The following NRXN3 variants were observed in gnomAD, a reference collection of about 807,000 sequenced individuals.
NRXN3 encodes the protein neurexin III.
NRXN3 carries 32 observed loss-of-function variants against 137.6 expected under a neutral mutation model. The observed-to-expected ratio is 0.23, with a 90% CI of 0.18 to 0.31. The LOEUF (loss-of-function observed/expected upper bound fraction) is 0.31, where lower values mean the gene tolerates loss of function less well. Ranked by LOEUF, NRXN3 falls within the 10% of genes least tolerant of loss-of-function variation. The pLI is 1.00. For synonymous variants in NRXN3, 798 were observed against 784.5 expected (o/e 1.02, Z -0.29); for missense variants, 1,574 against 2,062.5 (o/e 0.76, Z 4.59).
chr14:78,469,545 G>T (rs1479279989), intron 4 of NRXN3, among the ~76,000 whole-genome samples: 6 of 152,158 alleles, frequency 3.9e-5, no homozygotes, highest in South Asian at 2.1e-4. Context: ...GCATGAAATT[G>T]CTGGGTGCCA....
chr14:79,601,902 G>A (rs1275998775), intron 16 of NRXN3, among the ~76,000 whole-genome samples: 3 of 152,306 alleles, frequency 2.0e-5, no homozygotes, highest in East Asian at 1.9e-4. Flanking sequence ...AACCCAGACC[G>A]AAGAGGGCAG....
intron 20 of NRXN3, among the ~76,000 whole-genome samples, chr14:79,838,916 A>AAGAC (rs1350175065): frequency 6.6e-6 from 1 of 152,240 alleles, no homozygotes; most frequent in Non-Finnish European, 1.5e-5. Context: ...AGGTGGTCAA[A>AAGAC]AGACAAAATT....
intron 4 of NRXN3, among the ~76,000 whole-genome samples, chr14:78,551,686 T>G (rs2096691666): frequency 7.6e-6 from 1 of 130,766 alleles, no homozygotes; most frequent in African/African-American, 2.9e-5. Context: ...CCTCCTCCCC[T>G]TTCTCCTTTT....
intron 15 of NRXN3, among the ~76,000 whole-genome samples, chr14:79,076,660 T>G (rs77155946): frequency 0.016 from 2,464 of 152,354 alleles, 57 homozygotes; most frequent in African/African-American, 0.056. Flanking sequence ...TGTATTCTAT[T>G]CATCACTTAG....
intron 16 of NRXN3, among the ~76,000 whole-genome samples, chr14:79,470,953 T>A (rs56767395): frequency 0.14 from 2,133 of 15,214 alleles, 26 homozygotes; most frequent in African/African-American, 0.28. Context: ...AGAGAGAGAG[T>A]GTGTGTGTGT....
chr14:79,604,977 A>G (rs1602872524), intron 16 of NRXN3, among the ~76,000 whole-genome samples: 3 of 152,184 alleles, frequency 2.0e-5, no homozygotes, highest in African/African-American at 7.2e-5. Flanking sequence ...GGCTGCAGTG[A>G]GCCGAGATCA....
chr14:78,833,545 T>A (rs1440250009), intron 10 of NRXN3, among the ~76,000 whole-genome samples: 1 of 152,298 alleles, frequency 6.6e-6, no homozygotes, highest in African/African-American at 2.4e-5. Context: ...CTAAGACTAT[T>A]TTAATAAGAA....
intron 15 of NRXN3, among the ~76,000 whole-genome samples, chr14:79,373,944 T>G (rs1214248781): frequency 6.6e-6 from 1 of 152,174 alleles, no homozygotes; most frequent in Non-Finnish European, 1.5e-5. Flanking sequence ...AAAAACGTCA[T>G]GTTTCAGAGC....
At position 78,834,716 on chromosome 14, in the gene NRXN3, T is replaced by A. The variant is rs377570045; in HGVS notation, c.2275+24372T>A. ...CTGAACTGTGTTCCTGAATTTCCTC[T>A]GCCTTCTTGCTAATAACCTGAATTG... is the stretch of plus-strand genomic sequence containing the variant. On this transcript the variant is annotated intron_variant, in intron 10 of 20. Transcript: ENST00000335750. 4.9e-4 allele frequency among the ~76,000 whole-genome samples: 75 copies of A among 152,288 alleles called. 3 individuals carry two copies. In the South Asian group the frequency reaches 0.015, roughly 31 times the overall value.
intron 15 of NRXN3, among the ~76,000 whole-genome samples, chr14:79,262,426 A>G (rs1401285252): frequency 2.0e-5 from 3 of 151,000 alleles, no homozygotes; most frequent in Non-Finnish European, 4.4e-5. Context: ...GGAAAAGGAG[A>G]AGAGGAAGGA....
At chr14:78,836,545 G>A (rs1038842726) in intron 10 of NRXN3, among the ~76,000 whole-genome samples, 2 of 152,158 alleles carry the variant, frequency 1.3e-5, no homozygotes, top group Non-Finnish European at 2.9e-5. Flanking sequence ...TAGCTCGTCT[G>A]TGGACCACAA....
intron 8 of NRXN3, among the ~76,000 whole-genome samples, chr14:78,803,043 T>A (rs888617435): frequency 2.6e-5 from 4 of 152,260 alleles, no homozygotes; most frequent in African/African-American, 9.6e-5. Context: ...ATGTTATTGT[T>A]CTAACTCTGC....
chr14:78,515,328 C>G (rs1599733925), intron 4 of NRXN3, among the ~76,000 whole-genome samples: 1 of 152,076 alleles, frequency 6.6e-6, no homozygotes, highest in Non-Finnish European at 1.5e-5. Flanking sequence ...CATAGTCTCC[C>G]TTGTCAGTTT....
chr14:78,937,547 C>T (rs999335670), intron 10 of NRXN3, among the ~76,000 whole-genome samples: 2 of 152,098 alleles, frequency 1.3e-5, no homozygotes, highest in South Asian at 4.2e-4. Context: ...TTGTGTTCTT[C>T]TTTTCAAAAA....
At chr14:79,208,062 C>T (rs762643332) in intron 15 of NRXN3, among the ~76,000 whole-genome samples, 1 of 152,096 alleles carries the variant, frequency 6.6e-6, no homozygotes, top group Non-Finnish European at 1.5e-5. Context: ...TTGTTCCATA[C>T]TTTAAAGGAA....
rs1384881314 is a variant in NRXN3, at chr14:78,748,633, T to A, written c.2044+33494T>A. 2.6e-5 allele frequency among the ~76,000 whole-genome samples: 4 copies of A among 152,134 alleles called. No individual in the cohort carries two copies. The East Asian group carries it at 7.7e-4, about 29-fold the overall frequency. On this transcript the variant is annotated intron_variant, in intron 8 of 20. Transcript: ENST00000335750. ...AGTAAAGGAGCCAACCTAGACTCAG[T>A]GGTAACAGAGATAGCGATAAGTGAA...
chr14:78,635,865 A>G (rs982222991), intron 4 of NRXN3, among the ~76,000 whole-genome samples: 1 of 152,200 alleles, frequency 6.6e-6, no homozygotes, highest in African/African-American at 2.4e-5. Context: ...AATTACTTAT[A>G]TACTCTGTGT....
intron 14 of NRXN3, 85 bp downstream of exon 14, chr14:78,968,431 C>T: frequency 8.0e-7 from 1 of 1,257,290 alleles, no homozygotes; most frequent in South Asian, 1.4e-5. Flanking sequence ...CCTCCTTCCT[C>T]AGTTGACCAG....
chr14:78,885,431 T>G (rs1481443544), intron 10 of NRXN3, among the ~76,000 whole-genome samples: 1 of 151,970 alleles, frequency 6.6e-6, no homozygotes, highest in Non-Finnish European at 1.5e-5. Context: ...AAATTAAAGG[T>G]GTTTTGAAGT....
Sources: allele counts gnomAD v4.1 joint callset (sites outside exome capture counted in the v4.1 genomes callset), GRCh38; gene constraint gnomAD v4.1.1; transcripts MANE v1.5; gene names NCBI Gene and HGNC (gene_info 2026-07-23, HGNC 2026-07-21).